The following IQUB variants were observed in gnomAD, a reference collection of about 807,000 sequenced individuals.
IQUB encodes IQ motif and ubiquitin-like domain-containing protein.
In IQUB, 86 loss-of-function variants were observed where a neutral mutation model predicts 86.4. The ratio of observed to expected loss-of-function variants is 1.00; its 90% confidence interval spans 0.84 to 1.19. The LOEUF (loss-of-function observed/expected upper bound fraction) is 1.19, where lower values mean the gene tolerates loss of function less well. Among genes scored for constraint, IQUB ranks in the 50% most tolerant of loss-of-function variants. The pLI, the probability that IQUB is intolerant of heterozygous loss-of-function variation, is 0.00. For synonymous variants in IQUB, 289 were observed against 304.5 expected, an observed-to-expected ratio of 0.95 and a Z score of 0.53; for missense variants, 946 against 916.9, an observed-to-expected ratio of 1.03 and a Z score of -0.41.
chr7:123,496,397 A>G (rs1795707763), intron 7 of IQUB, among the ~76,000 whole-genome samples: 1 of 152,180 alleles, frequency 6.6e-6, no homozygotes. Flanking sequence ...TAGATTACAC[A>G]GTACTTTCTC....
rs370340041 is a variant in IQUB, at chr7:123,509,924, G to A, written c.509C>T (p.Ser170Phe). 8.7e-6 allele frequency: 14 copies of A among 1,608,890 alleles called. No homozygotes were observed. The highest frequency in any genetic ancestry group is 1.8e-4 in the Middle Eastern group (1 of 5,560). The change falls in exon 3 of 13, where the codon TCT (serine) becomes TTT (phenylalanine). Residue 170 changes from serine to phenylalanine, a missense_variant. Ser to Phe is a radical substitution (Grantham distance 155). Coordinates refer to ENST00000324698, the MANE Select transcript of IQUB (RefSeq NM_178827.5). ...HFSHLLGIPH[S>F]VLQIRYSGKI... The stretch of plus-strand genomic sequence containing the variant: ...ACCTGAGTATCTTATCTGCAGTACA[G>A]AATGTGGGATACCTAATAAGTGTGA...
intron 7 of IQUB, among the ~76,000 whole-genome samples, chr7:123,486,920 G>C (rs1466203007): frequency 1.3e-5 from 2 of 152,128 alleles, no homozygotes; most frequent in Admixed American, 6.6e-5. Flanking sequence ...TTGAGAAAAA[G>C]TTCTGCAGCA....
chr7:123,481,615 C>A (rs1428737578), intron 7 of IQUB, among the ~76,000 whole-genome samples: 2 of 152,084 alleles, frequency 1.3e-5, no homozygotes, highest in Non-Finnish European at 2.9e-5. Context: ...GTTAACCAAA[C>A]TTCTGCTTCT....
rs1793466052 is a variant in IQUB, at chr7:123,452,454, C to T, written c.*289G>A. The T allele has an allele frequency of 1.5e-5, 3 of 196,972 alleles. No homozygotes were observed. Among genetic ancestry groups the T allele is most frequent in the Non-Finnish European group, 3.1e-5 (3 of 98,182 alleles). 12.2% of individuals were successfully genotyped at this position (196,972 alleles called of 1,614,324 possible). A position where few individuals can be genotyped will look rare whatever the true frequency, so the allele number is the denominator to read the frequency against. On this transcript the variant is annotated 3_prime_UTR_variant, in exon 13 of 13. Transcript: ENST00000324698. ...TTTGTTAGATTTTAACTCTAATATA[C>T]TTGAAAAAATTTAAAAAATTTAATG...
chr7:123,480,170 C>G (rs1794942069), intron 7 of IQUB, among the ~76,000 whole-genome samples, 200 bp from the exon 8 acceptor site: 1 of 152,064 alleles, frequency 6.6e-6, no homozygotes, highest in African/African-American at 2.4e-5. Context: ...GCCAAAGAAA[C>G]AGAAGCCAAA....
At chr7:123,529,120 A>AAC (rs1797399482) in intron 1 of IQUB, among the ~76,000 whole-genome samples, 1 of 152,174 alleles carries the variant, frequency 6.6e-6, no homozygotes, top group Non-Finnish European at 1.5e-5. Flanking sequence ...AAAAAAAACT[A>AAC]ACAGAATAGA....
chr7:123,508,654 C>A (rs1796293395), intron 3 of IQUB, among the ~76,000 whole-genome samples: 1 of 152,224 alleles, frequency 6.6e-6, no homozygotes, highest in Non-Finnish European at 1.5e-5. Flanking sequence ...TAGCTGGTTA[C>A]TACAATCTCA....
chr7:123,524,403 T>C (rs1224039811), intron 1 of IQUB, among the ~76,000 whole-genome samples: 1 of 150,940 alleles, frequency 6.6e-6, no homozygotes, highest in African/African-American at 2.4e-5. Context: ...GTAGTTTTCC[T>C]TGAAGAGGTC....
intron 8 of IQUB, among the ~76,000 whole-genome samples, chr7:123,475,414 C>T (rs1794706007): frequency 7.2e-6 from 1 of 139,838 alleles, no homozygotes. Context: ...TACATGAAGA[C>T]CATCTTAGAG....
intron 8 of IQUB, among the ~76,000 whole-genome samples, chr7:123,470,140 C>T (rs898355406): frequency 2.0e-5 from 3 of 152,092 alleles, no homozygotes; most frequent in Non-Finnish European, 2.9e-5. Flanking sequence ...AGTCCTCTAC[C>T]GACTCAGGAA....
chr7:123,500,473 T>G (rs1038448310), intron 6 of IQUB, among the ~76,000 whole-genome samples: 1 of 151,858 alleles, frequency 6.6e-6, no homozygotes, highest in Non-Finnish European at 1.5e-5. Flanking sequence ...AGTCCAAAAA[T>G]ATCAGTAGTC....
chr7:123,516,945 T>C (rs1796663573), intron 1 of IQUB, among the ~76,000 whole-genome samples: 1 of 152,110 alleles, frequency 6.6e-6, no homozygotes, highest in African/African-American at 2.4e-5. Flanking sequence ...ACTGTCAGAA[T>C]AGATAAGACT....
At chr7:123,453,263 A>AAT (rs72054596) in intron 12 of IQUB, among the ~76,000 whole-genome samples, 3,642 of 138,158 alleles carry the variant, frequency 0.026, 104 homozygotes, top group African/African-American at 0.061. Flanking sequence ...ATCTAGTTAG[A>AAT]ATATATATAT....
intron 6 of IQUB, among the ~76,000 whole-genome samples, chr7:123,499,043 A>C (rs866519569): frequency 3.3e-5 from 5 of 152,224 alleles, no homozygotes; most frequent in African/African-American, 1.2e-4. Context: ...AAGGCTCATA[A>C]AAATTTAAAT....
At chr7:123,531,102 G>C (rs1410504225) in intron 1 of IQUB, among the ~76,000 whole-genome samples, 2 of 151,686 alleles carry the variant, frequency 1.3e-5, no homozygotes, top group Admixed American at 1.3e-4. Context: ...AATCAAATTG[G>C]AAAAAAAGAA....
At chr7:123,484,234 G>A (rs1249084217) in intron 7 of IQUB, among the ~76,000 whole-genome samples, 1 of 151,942 alleles carries the variant, frequency 6.6e-6, no homozygotes, top group Admixed American at 6.6e-5. Flanking sequence ...TTAGCAAAAA[G>A]ATTGTAAATT....
intron 1 of IQUB, among the ~76,000 whole-genome samples, chr7:123,520,251 C>T (rs961067865): frequency 6.6e-6 from 1 of 151,852 alleles, no homozygotes; most frequent in Non-Finnish European, 1.5e-5. Flanking sequence ...GGATTTTGAT[C>T]TGGTTGGTAG....
chr7:123,512,345 C>A lies in IQUB; in HGVS notation c.-4-1G>T. 6.6e-7 allele frequency: 1 copy of A among 1,523,972 alleles called. No individual in the cohort carries two copies. The highest frequency in any genetic ancestry group is 8.9e-7 in the Non-Finnish European group (1 of 1,126,818). The allele number at this position is 1,523,972 out of a possible 1,614,324, so 94.4% of individuals were successfully genotyped here. A position where few individuals can be genotyped will look rare whatever the true frequency, so the allele number is the denominator to read the frequency against. On this transcript the variant is annotated splice_acceptor_variant, in intron 1 of 12. Coordinates refer to ENST00000324698, the MANE Select transcript of IQUB (RefSeq NM_178827.5). LOFTEE classifies it low-confidence loss of function (5UTR_SPLICE). ...CTTCTCCTGTTGATTAGACATTTTC[C>A]TGAATTAAGAAAAATAAACACATTT... is the stretch of plus-strand genomic sequence containing the variant.
chr7:123,466,389 C>G (rs574759442), intron 9 of IQUB, among the ~76,000 whole-genome samples: 1 of 152,238 alleles, frequency 6.6e-6, no homozygotes, highest in South Asian at 2.1e-4. Context: ...CCTATGCACT[C>G]TCTTTTTGCC....
Sources: gnomAD v4.1 joint callset for allele counts (sites outside exome capture counted in the v4.1 genomes callset) on GRCh38, gnomAD v4.1.1 for gene constraint, MANE v1.5 for transcripts, NCBI Gene and HGNC (gene_info 2026-07-23, HGNC 2026-07-21) for gene names.